Variants in TMEM178B observed in about 807,000 individuals in gnomAD.
The protein encoded by TMEM178B is transmembrane protein 178B.
A neutral mutation model predicts 31.0 loss-of-function variants in TMEM178B; 5 were observed. The ratio of observed to expected loss-of-function variants is 0.16; its 90% CI spans 0.08 to 0.34. The LOEUF (loss-of-function observed/expected upper bound fraction) is 0.34, where lower values mean the gene tolerates loss of function less well. TMEM178B is among the 10% of genes least tolerant of loss of function. The probability of loss-of-function intolerance (pLI) is 1.00; values close to 1 mark genes in which losing one functional copy is unlikely to be tolerated. For synonymous variants in TMEM178B, 164 were observed against 164.0 expected, an observed-to-expected ratio of 1.00 and a Z score of 0.00; for missense variants, 275 against 400.3, an observed-to-expected ratio of 0.69 and a Z score of 2.67.
At chr7:141,089,181 T>C (rs935986275) in intron 1 of TMEM178B, among the ~76,000 whole-genome samples, 1 of 152,194 alleles carries the variant, frequency 6.6e-6, no homozygotes, top group African/African-American at 2.4e-5. Flanking sequence ...GTTTGGTGTG[T>C]CCAGAAGCCT....
intron 2 of TMEM178B, among the ~76,000 whole-genome samples, chr7:141,364,659 CAAAAAAAAAAAA>C (rs980786132): frequency 8.4e-5 from 4 of 47,718 alleles, no homozygotes; most frequent in East Asian, 1.8e-3. Flanking sequence ...GACTCTGTCT[CAAAAAAAAAAAA>C]AAAAAAAAAA....
intron 2 of TMEM178B, among the ~76,000 whole-genome samples, chr7:141,232,279 A>C (rs921138527): frequency 6.6e-6 from 1 of 152,172 alleles, no homozygotes; most frequent in African/African-American, 2.4e-5. Flanking sequence ...ATATGCATGC[A>C]TGTATCCTTA....
intron 2 of TMEM178B, among the ~76,000 whole-genome samples, chr7:141,215,844 T>C (rs202036954): frequency 1.8e-5 from 1 of 55,900 alleles, no homozygotes; most frequent in Non-Finnish European, 5.0e-5. Flanking sequence ...CTTTCTTTTC[T>C]TTTCTTTTCT....
chr7:141,185,724 G>A (rs1796599941), intron 1 of TMEM178B, among the ~76,000 whole-genome samples: 1 of 151,970 alleles, frequency 6.6e-6, no homozygotes, highest in Non-Finnish European at 1.5e-5. Flanking sequence ...GCAGCATTTG[G>A]GCAGACAAAC....
intron 2 of TMEM178B, among the ~76,000 whole-genome samples, chr7:141,391,884 A>AT (rs1299898655): frequency 6.6e-6 from 1 of 152,198 alleles, no homozygotes; most frequent in Non-Finnish European, 1.5e-5. Flanking sequence ...GCTGAACAAC[A>AT]TTTCATTATA....
At chr7:141,266,425 T>G (rs1798095730) in intron 2 of TMEM178B, among the ~76,000 whole-genome samples, 1 of 152,138 alleles carries the variant, frequency 6.6e-6, no homozygotes, top group Non-Finnish European at 1.5e-5. Context: ...GAATCCTGAG[T>G]GTAACTGCTT....
At position 141,172,172 on chromosome 7, in the gene TMEM178B, C is replaced by G. The variant is rs139746839; in HGVS notation, c.383-40419C>G. Among the ~76,000 whole-genome samples the G allele has an allele frequency of 6.0e-4, 92 of 152,248 alleles. No homozygotes were observed. The East Asian group carries it at 6.8e-3, about 11-fold the overall frequency. Reference sequence around the variant, plus strand: ...GTATTCCAACTCACAGAACAGTGAACATAAAGTAGTCTATTTCATAATTTC... The same window carrying G: ...GTATTCCAACTCACAGAACAGTGAAGATAAAGTAGTCTATTTCATAATTTC... On this transcript the variant is annotated intron_variant, in intron 1 of 3. Coordinates refer to ENST00000565468, the MANE Select transcript of TMEM178B (RefSeq NM_001195278.2).
At chr7:141,243,237 C>T (rs1421980572) in intron 2 of TMEM178B, among the ~76,000 whole-genome samples, 1 of 151,992 alleles carries the variant, frequency 6.6e-6, no homozygotes, top group East Asian at 1.9e-4. Flanking sequence ...CAGCCTGGGA[C>T]TCTGTGTGTG....
At chr7:141,075,140 G>A (rs1794579559) in intron 1 of TMEM178B, among the ~76,000 whole-genome samples, 1 of 152,182 alleles carries the variant, frequency 6.6e-6, no homozygotes, top group African/African-American at 2.4e-5. Flanking sequence ...ATTCATACCA[G>A]AAACGTTTGC....
intron 1 of TMEM178B, among the ~76,000 whole-genome samples, chr7:141,170,139 C>A (rs1796324561): frequency 6.6e-6 from 1 of 152,116 alleles, no homozygotes. Context: ...GGGTTCTCTC[C>A]TTAGCCTAAG....
At chr7:141,285,858 C>T (rs140844797) in intron 2 of TMEM178B, among the ~76,000 whole-genome samples, 83 of 152,222 alleles carry the variant, frequency 5.5e-4, no homozygotes, top group Non-Finnish European at 8.7e-4. Flanking sequence ...AACCAAACAC[C>T]GCATGTTCTC....
At chr7:141,492,771 A>G in the TMEM178B span, among the ~76,000 whole-genome samples, 4 of 152,128 alleles carry the variant, frequency 2.6e-5, no homozygotes, top group Non-Finnish European at 4.4e-5. Flanking sequence ...TCCTGTTCTC[A>G]CAAACCCCAT....
intron 1 of TMEM178B, among the ~76,000 whole-genome samples, chr7:141,175,052 A>G (rs1796405301): frequency 6.6e-6 from 1 of 152,162 alleles, no homozygotes. Flanking sequence ...TATGTCCTGA[A>G]TAGTATTGCC....
rs899769261 is a variant in TMEM178B, at chr7:141,318,425, G to A, written c.496+105721G>A. On this transcript the variant is annotated intron_variant, in intron 2 of 3. Transcript: ENST00000565468. The surrounding 1 kb of genome is among the most constrained non-coding windows in gnomAD (Gnocchi z 4.1). ...TTAATCTAGTGGGGGGAAAACCCAAGTGTTTGGTTTCAGGAAACTGTTCAA... is the reference window on the plus strand; with the variant it reads ...TTAATCTAGTGGGGGGAAAACCCAAATGTTTGGTTTCAGGAAACTGTTCAA... Among the ~76,000 whole-genome samples the A allele has an allele frequency of 1.3e-5, 2 of 152,174 alleles. No homozygotes were observed. Among genetic ancestry groups the A allele is most frequent in the African/African-American group, 4.8e-5 (2 of 41,446 alleles).
intron 1 of TMEM178B, among the ~76,000 whole-genome samples, chr7:141,116,956 C>T (rs1442612951): frequency 6.6e-6 from 1 of 152,098 alleles, no homozygotes; most frequent in Non-Finnish European, 1.5e-5. Context: ...TTGCTATTGT[C>T]AACAGTGCTG....
chr7:141,167,839 G>A (rs987901075), intron 1 of TMEM178B, among the ~76,000 whole-genome samples: 4 of 152,154 alleles, frequency 2.6e-5, no homozygotes, highest in African/African-American at 9.7e-5. Flanking sequence ...AAGCCTACCC[G>A]TTGTGCCCCA....
At chr7:141,421,766 A>G (rs369155725) in intron 2 of TMEM178B, among the ~76,000 whole-genome samples, 4 of 152,296 alleles carry the variant, frequency 2.6e-5, no homozygotes, top group African/African-American at 9.6e-5. Context: ...TCATCATTAT[A>G]TCATTCTTGT....
intron 1 of TMEM178B, among the ~76,000 whole-genome samples, chr7:141,205,490 T>C (rs914221590): frequency 6.6e-6 from 1 of 152,190 alleles, no homozygotes; most frequent in Non-Finnish European, 1.5e-5. Context: ...TCAGCATCTT[T>C]GCTCTCTAGG....
In TMEM178B at chr7:141,212,634, A is replaced by G; in HGVS notation, c.426A>G (p.Ser142=). The G allele has an allele frequency of 6.5e-7, 1 of 1,536,152 alleles. No homozygotes were observed. The highest frequency in any genetic ancestry group is 8.7e-7 in the Non-Finnish European group (1 of 1,146,906). The stretch of plus-strand genomic sequence containing the variant: ...CGTACATCAAATACCACTACTCCTC[A>G]GCAACCATCCCCAGGAACCTCACTT... ...RCTYIKYHYS[S]ATIPRNLTFN... is the part of the protein sequence containing the mutation. Residue 142 remains serine (S), a synonymous_variant, in exon 2 of 4, where the codon TCA becomes TCG. Transcript: ENST00000565468.
Sources: gnomAD v4.1 joint callset for allele counts (sites outside exome capture counted in the v4.1 genomes callset) on GRCh38, gnomAD v4.1.1 for gene constraint, Gnocchi (gnomAD v3.1) non-coding constraint, MANE v1.5 for transcripts, NCBI Gene and HGNC (gene_info 2026-07-23, HGNC 2026-07-21) for gene names.